WDHD1: variants seen among roughly 807,000 people sequenced by gnomAD.
The protein encoded by WDHD1 is WD repeat and HMG-box DNA binding protein 1, also known as WD repeat and HMG-box DNA-binding protein 1.
Under a neutral mutation model 135.4 loss-of-function variants are expected in WDHD1, and 111 were observed. That is an observed-to-expected ratio of 0.82 (90% CI 0.70 to 0.96). The LOEUF (loss-of-function observed/expected upper bound fraction) is 0.96. WDHD1 is among the 40% of genes least tolerant of loss of function. The pLI, the probability that WDHD1 is intolerant of heterozygous loss-of-function variation, is 0.00. For synonymous variants in WDHD1, 434 were observed against 439.0 expected, an observed-to-expected ratio of 0.99 and a Z score of 0.14; for missense variants, 1,351 against 1,336.3, an observed-to-expected ratio of 1.01 and a Z score of -0.17.
At chr14:54,959,700 C>T (rs2041218192) in intron 21 of WDHD1, among the ~76,000 whole-genome samples, 1 of 152,014 alleles carries the variant, frequency 6.6e-6, no homozygotes. Context: ...CATACGAGTT[C>T]AAGGCTGTAG....
chr14:55,000,353 A>G, intron 10 of WDHD1, 150 bp downstream of exon 10: 1 of 771,302 alleles, frequency 1.3e-6, no homozygotes, highest in Non-Finnish European at 1.8e-6. Context: ...AACAAGTAAG[A>G]AGTTTTCTTA....
chr14:54,972,777 C>T (rs2041462448), intron 16 of WDHD1, among the ~76,000 whole-genome samples: 1 of 151,884 alleles, frequency 6.6e-6, no homozygotes, highest in Admixed American at 6.6e-5. Context: ...TAGCAAGACT[C>T]CATTCCAAAA....
At chr14:55,020,474 C>A (rs1252230218) in intron 2 of WDHD1, among the ~76,000 whole-genome samples, 2 of 152,344 alleles carry the variant, frequency 1.3e-5, no homozygotes, top group East Asian at 3.9e-4. Context: ...CTTTCTTAGT[C>A]TCCTTAGCTG....
intron 11 of WDHD1, among the ~76,000 whole-genome samples, chr14:54,992,635 C>A (rs1346254114): frequency 1.3e-5 from 2 of 152,148 alleles, no homozygotes; most frequent in Non-Finnish European, 2.9e-5. Context: ...TAATTTACAG[C>A]CAGGTGCTGT....
At chr14:55,013,740 T>C (rs904487127) in intron 2 of WDHD1, 144 bp from the exon 3 acceptor site, 2 of 596,518 alleles carry the variant, frequency 3.4e-6, no homozygotes, top group South Asian at 4.7e-5. Context: ...ACCTAGTCTC[T>C]ACAAAAAATT....
intron 7 of WDHD1, among the ~76,000 whole-genome samples, chr14:55,004,098 AAAG>A (rs1459871657): frequency 6.6e-6 from 1 of 152,192 alleles, no homozygotes; most frequent in Non-Finnish European, 1.5e-5. Context: ...AAAAATTTCA[AAAG>A]AATAGAAAAG....
intron 16 of WDHD1, among the ~76,000 whole-genome samples, chr14:54,970,853 G>A (rs1325681700): frequency 6.6e-6 from 1 of 152,074 alleles, no homozygotes; most frequent in Non-Finnish European, 1.5e-5. Context: ...CTACTTCAAG[G>A]CTAGTGAAAA....
chr14:54,975,492 C>A (rs1008968702), intron 16 of WDHD1, among the ~76,000 whole-genome samples: 2 of 152,036 alleles, frequency 1.3e-5, no homozygotes, highest in Admixed American at 1.3e-4. Flanking sequence ...GGATTACAGG[C>A]ATCTGCCACC....
At chr14:54,969,644 T>C (rs539854600) in intron 16 of WDHD1, among the ~76,000 whole-genome samples, 1 of 152,266 alleles carries the variant, frequency 6.6e-6, no homozygotes, top group African/African-American at 2.4e-5. Context: ...CACAAAGAAC[T>C]GGTACCAGTC....
intron 2 of WDHD1, among the ~76,000 whole-genome samples, chr14:55,023,885 C>T (rs146885158): frequency 1.4e-3 from 213 of 152,184 alleles, no homozygotes; most frequent in Non-Finnish European, 2.4e-3. Flanking sequence ...CTCTTGACTG[C>T]GGATGGTCTG....
chr14:55,008,765 G>T, intron 4 of WDHD1, 46 bp from the exon 5 acceptor site: 1 of 1,335,234 alleles, frequency 7.5e-7, no homozygotes, highest in Non-Finnish European at 1.1e-6. Flanking sequence ...CTAACACAAA[G>T]GCCTCTCCTA....
chr14:54,943,843 A>T (rs2040876380), intron 25 of WDHD1, among the ~76,000 whole-genome samples: 1 of 141,546 alleles, frequency 7.1e-6, no homozygotes, highest in Admixed American at 7.0e-5. Context: ...TTGTCTCTAT[A>T]AAAAAAAAAA....
At chr14:55,001,562 C>CA (rs1312485956) in intron 8 of WDHD1, among the ~76,000 whole-genome samples, 1 of 152,162 alleles carries the variant, frequency 6.6e-6, no homozygotes, top group African/African-American at 2.4e-5. Context: ...TGTGCCCAGC[C>CA]ACTGGCACAA....
chr14:54,942,438 T>G (rs1017731822), intron 25 of WDHD1, among the ~76,000 whole-genome samples: 10 of 152,084 alleles, frequency 6.6e-5, no homozygotes, highest in Admixed American at 5.2e-4. Context: ...GAACTGACAT[T>G]GAAACAATCC....
intron 7 of WDHD1, among the ~76,000 whole-genome samples, chr14:55,002,966 A>T (rs2042000014): frequency 6.6e-6 from 1 of 152,170 alleles, no homozygotes; most frequent in South Asian, 2.1e-4. Context: ...GAAAATAAAG[A>T]CAGAATCCTT....
intron 2 of WDHD1, among the ~76,000 whole-genome samples, chr14:55,025,405 TTTCTCTATACTTA>T (rs146336173): frequency 0.021 from 3,241 of 152,118 alleles, 103 homozygotes; most frequent in South Asian, 0.091. Context: ...CCCTTATTTC[TTTCTCTATACTTA>T]GTCTCTGTGT....
At position 55,020,670 on chromosome 14, in the gene WDHD1, C is replaced by T. The variant is rs142033829; in HGVS notation, c.77+6041G>A. On this transcript the variant is annotated intron_variant, in intron 2 of 25. Transcript: ENST00000360586. ...ACCCTGAACTCTGGAAGGTATCAGC[C>T]AAAGATGTAAAGGTGACCCTTGAAC... 5.5e-3 allele frequency among the ~76,000 whole-genome samples: 830 copies of T among 152,230 alleles called. 10 individuals are homozygous for T. The highest frequency in any genetic ancestry group is 0.019 in the African/African-American group (771 of 41,544).
At chr14:54,962,612 C>A in intron 20 of WDHD1, 61 bp from the exon 21 acceptor site, 5 of 1,529,376 alleles carry the variant, frequency 3.3e-6, no homozygotes, top group South Asian at 1.1e-5. Context: ...CCTCAATATA[C>A]AACAACCAGA....
At chr14:54,964,498 G>C (rs2041309620) in intron 18 of WDHD1, among the ~76,000 whole-genome samples, 1 of 152,112 alleles carries the variant, frequency 6.6e-6, no homozygotes, top group Non-Finnish European at 1.5e-5. Context: ...AAATTAGCTG[G>C]TGTGGTGGCA....
Sources: gnomAD v4.1 joint callset for allele counts (sites outside exome capture counted in the v4.1 genomes callset) on GRCh38, gnomAD v4.1.1 for gene constraint, MANE v1.5 for transcripts, NCBI Gene and HGNC (gene_info 2026-07-23, HGNC 2026-07-21) for gene names.